ZFP41: variants seen among roughly 807,000 people sequenced by gnomAD.
The protein encoded by ZFP41 is zinc finger protein 41 homolog.
In ZFP41, 10 loss-of-function variants were observed where a neutral mutation model predicts 11.6. The ratio of observed to expected loss-of-function variants is 0.86; its 90% CI spans 0.53 to 1.47. ZFP41 has a LOEUF of 1.47. Among genes scored for constraint, ZFP41 ranks in the 40% most tolerant of loss-of-function variants. The pLI, the probability that ZFP41 is intolerant of heterozygous loss-of-function variation, is 0.00. For missense variants in ZFP41, 302 were observed against 264.6 expected, an observed-to-expected ratio of 1.14 and a Z score of -0.98; for synonymous variants, 123 against 100.9, an observed-to-expected ratio of 1.22 and a Z score of -1.31.
chr8:143,249,257 C>G (rs1425137529), intron 1 of ZFP41: 1 of 152,680 alleles, frequency 6.5e-6, no homozygotes, highest in Non-Finnish European at 1.5e-5. Context: ...GTTTCATGAA[C>G]TCAGAACCCA....
chr8:143,253,487 C>T (rs1227315643), intron 2 of ZFP41: 9 of 152,206 alleles, frequency 5.9e-5, no homozygotes, highest in Non-Finnish European at 7.3e-5. Context: ...CTAGCTCTCC[C>T]GTGAAGAGCA....
chr8:143,254,331 A>G (rs1265462846), intron 2 of ZFP41, among the ~76,000 whole-genome samples: 1 of 152,220 alleles, frequency 6.6e-6, no homozygotes, highest in African/African-American at 2.4e-5. Flanking sequence ...CAGTCCTTGC[A>G]CACGCTCTCT....
chr8:143,254,304 T>C (rs889866653), intron 2 of ZFP41, among the ~76,000 whole-genome samples: 3 of 152,214 alleles, frequency 2.0e-5, no homozygotes, highest in African/African-American at 7.2e-5. Flanking sequence ...TAACACACAA[T>C]GAACTAACAC....
intron 2 of ZFP41, chr8:143,253,413 A>G (rs977571313): frequency 2.0e-5 from 3 of 152,266 alleles, no homozygotes; most frequent in African/African-American, 4.8e-5. Flanking sequence ...CACTGCAGCC[A>G]TACAGCCTGT....
At chr8:143,253,301 CGGAGAGTGACAGA>C (rs1179140164) in intron 2 of ZFP41, 3 of 152,224 alleles carry the variant, frequency 2.0e-5, no homozygotes, top group African/African-American at 7.2e-5. Context: ...TGCACGTCCC[CGGAGAGTGACAGA>C]GGAGAGTGGC....
Position 143,250,627 on chromosome 8 carries a change from A to G in ZFP41, c.*187A>G, listed in dbSNP as rs1814716466. 13 of 897,018 alleles carry G rather than the reference A, an allele frequency of 1.4e-5. No individual in the cohort carries two copies. Among genetic ancestry groups the G allele is most frequent in the Non-Finnish European group, 2.2e-5 (13 of 596,550 alleles). The allele number at this position is 897,018 out of a possible 1,614,324, so 55.6% of individuals were successfully genotyped here. On this transcript the variant is annotated 3_prime_UTR_variant, in exon 2 of 3. Transcript: ENST00000330701. ...GTGCCAGCGAGGGAGAGACCTTTCC[A>G]CTGCAGAGAGTCTCTCTGATCAAGA... is the stretch of plus-strand genomic sequence containing the variant.
intron 2 of ZFP41, among the ~76,000 whole-genome samples, chr8:143,252,187 G>T (rs1814781377): frequency 6.6e-6 from 1 of 152,240 alleles, no homozygotes; most frequent in African/African-American, 2.4e-5. Flanking sequence ...CTTTGCCTCT[G>T]GCCTGGTTAA....
chr8:143,247,153 G>A lies in ZFP41; in HGVS notation c.-155+11G>A, dbSNP rs903730428. ...CTCGTCTCCAGCCAGGTACTCACTGGGCTCCTGCCTGCCGCCTCCGGCCCA... is the reference window on the plus strand; with the variant it reads ...CTCGTCTCCAGCCAGGTACTCACTGAGCTCCTGCCTGCCGCCTCCGGCCCA... On this transcript the variant is annotated intron_variant, in intron 1 of 2. Coordinates refer to ENST00000330701, the MANE Select transcript of ZFP41 (RefSeq NM_173832.6). 1 of 152,758 alleles carries A rather than the reference G, an allele frequency of 6.5e-6. No individual in the cohort carries two copies. Among genetic ancestry groups the A allele is most frequent in the Non-Finnish European group, 1.5e-5 (1 of 68,508 alleles). The allele number at this position is 152,758 out of a possible 1,614,324, so 9.5% of individuals were successfully genotyped here.
chr8:143,252,029 G>A (rs1431069806), intron 2 of ZFP41, among the ~76,000 whole-genome samples: 2 of 152,150 alleles, frequency 1.3e-5, no homozygotes, highest in African/African-American at 2.4e-5. Context: ...GAGGCTGCTC[G>A]GCTCCCAGCC....
Position 143,249,875 on chromosome 8 carries a change from C to T in ZFP41, c.32C>T (p.Thr11Met), listed in dbSNP as rs759800632. 8.7e-6 allele frequency: 14 copies of T among 1,603,936 alleles called. No homozygotes were observed. Among genetic ancestry groups the T allele is most frequent in the East Asian group, 2.2e-5 (1 of 44,802 alleles). The change falls in exon 2 of 3, where the codon ACG (threonine) becomes ATG (methionine). Residue 11 changes from threonine (T) to methionine (M), a missense_variant. Transcript: ENST00000330701. The stretch of plus-strand genomic sequence containing the variant: ...AAGCCTGCAGGCAGAAAAAAGAAGA[C>T]GCCGACCCCAAGGGAGGAGGCAGAC... Reference protein sequence around the residue: MEKPAGRKKKTPTPREEADVQ... With the variant: MEKPAGRKKKMPTPREEADVQ...
In ZFP41 at chr8:143,261,120, G is replaced by A. The variant is rs1464361468; in HGVS notation, c.*2246G>A. 6.6e-6 allele frequency: 1 copy of A among 152,346 alleles called. No homozygotes were observed. Among genetic ancestry groups the A allele is most frequent in the East Asian group, 1.9e-4 (1 of 5,208 alleles). 9.4% of individuals were successfully genotyped at this position (152,346 alleles called of 1,614,324 possible). A position where few individuals can be genotyped will look rare whatever the true frequency, so the allele number is the denominator to read the frequency against. On this transcript the variant is annotated 3_prime_UTR_variant, in exon 3 of 3. Transcript: ENST00000330701. ...CTCTTCGACACAGGGAAGCAGGGAGGGGCCGATCAGCGACTTAGGCCTGTT... is the reference window on the plus strand; with the variant it reads ...CTCTTCGACACAGGGAAGCAGGGAGAGGCCGATCAGCGACTTAGGCCTGTT...
intron 2 of ZFP41, among the ~76,000 whole-genome samples, chr8:143,252,230 G>A (rs1159071538): frequency 2.0e-5 from 3 of 152,210 alleles, no homozygotes; most frequent in Non-Finnish European, 4.4e-5. Flanking sequence ...AGCCCAGCCC[G>A]TCACCTGCTC....
Position 143,260,827 on chromosome 8 carries a change from CCTCA to C in ZFP41, c.*1957_*1960del, listed in dbSNP as rs1815021560. On this transcript the variant is annotated 3_prime_UTR_variant, in exon 3 of 3. Coordinates refer to ENST00000330701, the MANE Select transcript of ZFP41 (RefSeq NM_173832.6). ...TGACCAGCGGGCACCATCCTCCCAGCCTCACTCGGCCAGCCGAGCTCTGTAGGCC... is the reference window on the plus strand; with the variant it reads ...TGACCAGCGGGCACCATCCTCCCAGCCTCGGCCAGCCGAGCTCTGTAGGCC... 1 of 180,144 alleles carries C rather than the reference CCTCA, an allele frequency of 5.6e-6. No homozygotes were observed. The allele number at this position is 180,144 out of a possible 1,614,324, so 11.2% of individuals were successfully genotyped here. A position where few individuals can be genotyped will look rare whatever the true frequency, so the allele number is the denominator to read the frequency against.
intron 2 of ZFP41, among the ~76,000 whole-genome samples, chr8:143,257,414 T>A (rs1485352401): frequency 1.3e-5 from 2 of 152,198 alleles, no homozygotes; most frequent in African/African-American, 4.8e-5. Context: ...GGAGAATTGC[T>A]TGAACCCAGG....
At chr8:143,253,684 T>G (rs530185798) in intron 2 of ZFP41, 1 of 152,352 alleles carries the variant, frequency 6.6e-6, no homozygotes, top group South Asian at 2.1e-4. Context: ...CCTCCAGATC[T>G]TATGTGGAAA....
intron 1 of ZFP41, chr8:143,248,207 T>G (rs150991632): frequency 2.6e-5 from 4 of 152,330 alleles, no homozygotes; most frequent in African/African-American, 9.6e-5. Context: ...GGTTAGCACC[T>G]GCCAGCCTAA....
chr8:143,252,662 C>T (rs1314686659), intron 2 of ZFP41: 1 of 983,314 alleles, frequency 1.0e-6, no homozygotes, highest in Non-Finnish European at 1.2e-6. Flanking sequence ...GTGGCAAGTC[C>T]CGTGGTGTCG....
chr8:143,251,354 C>G lies in ZFP41; in HGVS notation c.*900+14C>G, dbSNP rs956406569. On this transcript the variant is annotated intron_variant, in intron 2 of 2. Coordinates refer to ENST00000330701, the MANE Select transcript of ZFP41 (RefSeq NM_173832.6). ...CCCAGCATTCAGGTTAGTTCTACTT[C>G]TTCATGCCTGTACCCAGTCCTGTCC... 3 of 161,342 alleles carry G rather than the reference C, an allele frequency of 1.9e-5. No individual in the cohort carries two copies. Among genetic ancestry groups the G allele is most frequent in the East Asian group, 3.9e-4 (2 of 5,194 alleles). The allele number at this position is 161,342 out of a possible 1,614,324, so 10.0% of individuals were successfully genotyped here.
In ZFP41 at chr8:143,250,272, C is replaced by T; in HGVS notation, c.429C>T (p.Phe143=). 6.2e-7 allele frequency: 1 copy of T among 1,614,112 alleles called. No individual in the cohort carries two copies. Residue 143 remains phenylalanine (F), a synonymous_variant, in exon 2 of 3, where the codon TTC becomes TTT. Coordinates refer to ENST00000330701, the MANE Select transcript of ZFP41 (RefSeq NM_173832.6). The part of the protein sequence containing the change: ...HQRTHTGEKP[F]KCGECGKAFN... ...GGACTCACACGGGAGAGAAGCCCTTCAAATGCGGGGAGTGCGGGAAAGCCT... is the reference window on the plus strand; with the variant it reads ...GGACTCACACGGGAGAGAAGCCCTTTAAATGCGGGGAGTGCGGGAAAGCCT...
Sources: gnomAD v4.1 joint callset for allele counts (sites outside exome capture counted in the v4.1 genomes callset) on GRCh38, gnomAD v4.1.1 for gene constraint, MANE v1.5 for transcripts, NCBI Gene and HGNC (gene_info 2026-07-23, HGNC 2026-07-21) for gene names.